RB1: variants seen among roughly 807,000 people sequenced by gnomAD.
RB1 encodes the protein RB transcriptional corepressor 1.
RB1 carries 18 observed loss-of-function variants against 135.4 expected under a neutral mutation model. The ratio of observed to expected loss-of-function variants is 0.13; its 90% CI spans 0.09 to 0.20. The LOEUF (loss-of-function observed/expected upper bound fraction) is 0.20. Among genes scored for constraint, RB1 ranks in the 10% least tolerant of loss-of-function variants. The pLI, the probability that RB1 is intolerant of heterozygous loss-of-function variation, is 1.00. For missense variants in RB1, 868 were observed against 1,110.0 expected (o/e 0.78, Z 3.10); for synonymous variants, 365 against 373.2 (o/e 0.98, Z 0.25).
intron 2 of RB1, chr13:48,320,435 A>C (rs565009664): frequency 6.9e-6 from 7 of 1,015,714 alleles, no homozygotes; most frequent in Non-Finnish European, 1.1e-5. Flanking sequence ...TCCCATTTGG[A>C]CTGGGGAGCA....
intron 12 of RB1, among the ~76,000 whole-genome samples, chr13:48,376,645 G>A (rs1406708342): frequency 6.6e-6 from 1 of 152,102 alleles, no homozygotes; most frequent in Non-Finnish European, 1.5e-5. Flanking sequence ...CTTTCTGATG[G>A]ATGGAAAGCT....
chr13:48,328,415 C>A, intron 2 of RB1: 1 of 1,372,390 alleles, frequency 7.3e-7, no homozygotes, highest in Non-Finnish European at 1.0e-6. Context: ...AGTTGGAGAT[C>A]TTTGCAGGCT....
At chr13:48,324,459 G>C (rs769657091) in intron 2 of RB1, among the ~76,000 whole-genome samples, 2 of 146,652 alleles carry the variant, frequency 1.4e-5, no homozygotes, top group Non-Finnish European at 1.5e-5. Flanking sequence ...GCTCTTGCTT[G>C]TAAGTGAGAA....
intron 17 of RB1, among the ~76,000 whole-genome samples, chr13:48,420,800 G>C: frequency 6.6e-6 from 1 of 152,032 alleles, no homozygotes; most frequent in Non-Finnish European, 1.5e-5. Context: ...GCTACAAAGA[G>C]AATAAAATAC....
intron 7 of RB1, among the ~76,000 whole-genome samples, chr13:48,362,464 A>G (rs930298890): frequency 4.6e-5 from 7 of 152,048 alleles, no homozygotes; most frequent in African/African-American, 1.7e-4. Context: ...ATATTTGCTA[A>G]TTATTTTTAA....
intron 19 of RB1, among the ~76,000 whole-genome samples, chr13:48,457,821 G>A (rs1949370455): frequency 6.6e-6 from 1 of 152,252 alleles, no homozygotes; most frequent in Non-Finnish European, 1.5e-5. Context: ...ACTTTGCTCC[G>A]AGATTGGAGT....
intron 17 of RB1, among the ~76,000 whole-genome samples, chr13:48,451,965 T>A (rs1402374969): frequency 6.6e-6 from 1 of 152,114 alleles, no homozygotes; most frequent in Non-Finnish European, 1.5e-5. Flanking sequence ...GGTATCTCCC[T>A]TGTCATTTCT....
Position 48,456,085 on chromosome 13 carries a change from T to A in RB1, c.1815-119T>A. 2.0e-6 allele frequency: 3 copies of A among 1,494,870 alleles called. 1 individual carries two copies. Among genetic ancestry groups the A allele is most frequent in the Non-Finnish European group, 2.7e-6 (3 of 1,121,966 alleles). 92.6% of individuals were successfully genotyped at this position (1,494,870 alleles called of 1,614,324 possible). On this transcript the variant is annotated intron_variant, in intron 18 of 26. Transcript: ENST00000267163. The stretch of plus-strand genomic sequence containing the variant: ...TCTTTCCCAGCTTGCATTTAAATAG[T>A]CTGCTATAATACCAATTAAATAGAC...
intron 13 of RB1, among the ~76,000 whole-genome samples, chr13:48,379,175 A>G (rs1005165057): frequency 1.3e-5 from 2 of 152,220 alleles, no homozygotes; most frequent in Admixed American, 1.3e-4. Context: ...AGTACTGGGC[A>G]CATAACCTAT....
chr13:48,473,473 A>G, intron 24 of RB1, 83 bp downstream of exon 24: 1 of 1,229,530 alleles, frequency 8.1e-7, no homozygotes, highest in Non-Finnish European at 1.2e-6. Context: ...TTGAATTTCC[A>G]AATGCAGTTA....
At chr13:48,327,930 C>A (rs1470332154) in intron 2 of RB1, among the ~76,000 whole-genome samples, 1 of 151,950 alleles carries the variant, frequency 6.6e-6, no homozygotes, top group South Asian at 2.1e-4. Flanking sequence ...TAATTTCAAA[C>A]TCTCATTTAT....
intron 20 of RB1, among the ~76,000 whole-genome samples, chr13:48,460,229 C>G: frequency 6.6e-6 from 1 of 151,854 alleles, no homozygotes; most frequent in Non-Finnish European, 1.5e-5. Context: ...TAAGGCCTCC[C>G]AAAGTGTTGG....
At chr13:48,318,763 TG>T in intron 2 of RB1, 1 of 685,218 alleles carries the variant, frequency 1.5e-6, no homozygotes. Flanking sequence ...TTGGGGCCAC[TG>T]GTCTGGCTGT....
chr13:48,398,254 CAT>C (rs1021788623), intron 17 of RB1, among the ~76,000 whole-genome samples: 8 of 152,112 alleles, frequency 5.3e-5, no homozygotes, highest in African/African-American at 1.9e-4. Flanking sequence ...ATTCTGAAAA[CAT>C]AGCTAAAGCT....
At chr13:48,304,858 G>A (rs1205878680) in intron 1 of RB1, among the ~76,000 whole-genome samples, 5 of 151,026 alleles carry the variant, frequency 3.3e-5, no homozygotes, top group Admixed American at 6.6e-5. Context: ...CTTTGAACCA[G>A]CAAGGATCTT....
At chr13:48,317,945 G>C in intron 2 of RB1, 1 of 443,626 alleles carries the variant, frequency 2.3e-6, no homozygotes, top group Non-Finnish European at 4.3e-6. Flanking sequence ...AGACTCCTTG[G>C]CCTTTTCCGC....
intron 17 of RB1, among the ~76,000 whole-genome samples, chr13:48,437,979 A>C (rs965451392): frequency 1.3e-5 from 2 of 152,126 alleles, no homozygotes; most frequent in Non-Finnish European, 2.9e-5. Flanking sequence ...GCTGTAGTTA[A>C]TTTGACTCAT....
At chr13:48,304,747 C>T (rs1444655235) in intron 1 of RB1, among the ~76,000 whole-genome samples, 1 of 152,132 alleles carries the variant, frequency 6.6e-6, no homozygotes, top group Non-Finnish European at 1.5e-5. Context: ...ACCAGAAGTG[C>T]TTGAAAGTTT....
intron 6 of RB1, among the ~76,000 whole-genome samples, chr13:48,350,796 A>G (rs184817696): frequency 0.03 from 4,613 of 152,164 alleles, 247 homozygotes; most frequent in African/African-American, 0.11. Context: ...AGTTTTCATC[A>G]TTTAGCTCCC....
Sources: allele counts gnomAD v4.1 joint callset (sites outside exome capture counted in the v4.1 genomes callset), GRCh38; gene constraint gnomAD v4.1.1; transcripts MANE v1.5; gene names NCBI Gene and HGNC (gene_info 2026-07-23, HGNC 2026-07-21).